Variants in TCF12 observed in about 807,000 individuals in gnomAD.
TCF12 encodes the protein DNA-binding protein HTF4.
Under a neutral mutation model 86.0 loss-of-function variants are expected in TCF12, and 45 were observed. The observed-to-expected ratio is 0.52, with a 90% CI of 0.41 to 0.67. The LOEUF (loss-of-function observed/expected upper bound fraction) is 0.67, where lower values mean the gene tolerates loss of function less well. Ranked by LOEUF, TCF12 falls within the 30% of genes least tolerant of loss-of-function variation. The pLI, the probability that TCF12 is intolerant of heterozygous loss-of-function variation, is 0.00. For synonymous variants in TCF12, 330 were observed against 299.6 expected (o/e 1.10, Z -1.05); for missense variants, 881 against 859.9 (o/e 1.02, Z -0.31).
intron 3 of TCF12, among the ~76,000 whole-genome samples, chr15:56,928,080 A>G (rs184850460): frequency 2.7e-4 from 41 of 152,262 alleles, no homozygotes; most frequent in Non-Finnish European, 5.1e-4. Context: ...AGTGTATTGG[A>G]AAGAATTGGG....
chr15:57,022,241 C>T (rs1293610740), intron 3 of TCF12, among the ~76,000 whole-genome samples: 4 of 152,052 alleles, frequency 2.6e-5, no homozygotes, highest in South Asian at 2.1e-4. Flanking sequence ...CGATAGGTCC[C>T]GGTGTGTGAT....
chr15:57,127,003 G>A (rs1447658546), intron 5 of TCF12, among the ~76,000 whole-genome samples: 1 of 144,304 alleles, frequency 6.9e-6, no homozygotes, highest in Non-Finnish European at 1.5e-5. Context: ...TTTTTGGAGA[G>A]AGAGAGTCTT....
intron 5 of TCF12, among the ~76,000 whole-genome samples, chr15:57,117,515 G>C (rs1463399280): frequency 2.0e-5 from 3 of 152,122 alleles, no homozygotes; most frequent in Non-Finnish European, 4.4e-5. Flanking sequence ...CTGTGGATTA[G>C]AGTTACTTTC....
At chr15:57,226,518 A>T (rs2058888335) in intron 8 of TCF12, among the ~76,000 whole-genome samples, 1 of 152,174 alleles carries the variant, frequency 6.6e-6, no homozygotes, top group Admixed American at 6.5e-5. Context: ...ATGGGAACTT[A>T]AAGAGAACTG....
chr15:57,223,657 T>TTTTTTG (rs2058725841), intron 8 of TCF12, among the ~76,000 whole-genome samples: 1 of 135,060 alleles, frequency 7.4e-6, no homozygotes, highest in African/African-American at 2.5e-5. Context: ...TTTTTTTTTT[T>TTTTTTG]TTTTTTTTTT....
At chr15:57,175,474 T>TA (rs1326001709) in intron 6 of TCF12, among the ~76,000 whole-genome samples, 1 of 152,218 alleles carries the variant, frequency 6.6e-6, no homozygotes, top group Admixed American at 6.5e-5. Flanking sequence ...CTTCTAGACT[T>TA]ATGTTGTATG....
chr15:57,264,195 C>CTTTTTTTTTTTTTTTTCTT (rs2060730989), intron 18 of TCF12, among the ~76,000 whole-genome samples: 1 of 50,698 alleles, frequency 2.0e-5, no homozygotes, highest in African/African-American at 1.0e-4. Context: ...CTTTTGTAAG[C>CTTTTTTTTTTTTTTTTCTT]TTTTTTTTTT....
chr15:56,930,382 G>A (rs1406806294), intron 3 of TCF12, among the ~76,000 whole-genome samples: 1 of 152,204 alleles, frequency 6.6e-6, no homozygotes. Flanking sequence ...TGTGCCAAGG[G>A]TAAGAATCTT....
intron 5 of TCF12, among the ~76,000 whole-genome samples, chr15:57,098,490 C>T (rs1442251523): frequency 6.6e-6 from 1 of 152,050 alleles, no homozygotes; most frequent in Non-Finnish European, 1.5e-5. Context: ...CTGCCTTTTA[C>T]AGAGGAAAGT....
chr15:56,931,567 C>G (rs1009276587), intron 3 of TCF12, among the ~76,000 whole-genome samples: 2 of 152,150 alleles, frequency 1.3e-5, no homozygotes, highest in Non-Finnish European at 2.9e-5. Flanking sequence ...AGATACTTTG[C>G]TGTAGGGAAC....
chr15:57,087,245 C>T (rs759584149), intron 4 of TCF12, among the ~76,000 whole-genome samples: 2 of 151,494 alleles, frequency 1.3e-5, no homozygotes, highest in South Asian at 2.1e-4. Context: ...GACCCCATCT[C>T]GACAAAAAAT....
At chr15:57,032,982 A>G (rs113153438) in intron 3 of TCF12, among the ~76,000 whole-genome samples, 1,799 of 152,278 alleles carry the variant, frequency 0.012, 40 homozygotes, top group African/African-American at 0.042. Flanking sequence ...TCAACAAAGA[A>G]GTAAAAGGTA....
intron 3 of TCF12, among the ~76,000 whole-genome samples, chr15:57,044,456 A>G (rs2067097875): frequency 6.6e-6 from 1 of 152,166 alleles, no homozygotes; most frequent in African/African-American, 2.4e-5. Flanking sequence ...TCATTTAATT[A>G]CTAGTTTTTA....
intron 3 of TCF12, among the ~76,000 whole-genome samples, chr15:56,948,719 C>T (rs1304020602): frequency 6.6e-6 from 1 of 152,098 alleles, no homozygotes; most frequent in Non-Finnish European, 1.5e-5. Flanking sequence ...TACAGAGGTA[C>T]CAAAAGTTTT....
At chr15:56,925,240 G>GCTCCC (rs2059953108) in intron 3 of TCF12, among the ~76,000 whole-genome samples, 1 of 136,260 alleles carries the variant, frequency 7.3e-6, no homozygotes, top group African/African-American at 2.7e-5. Context: ...GGTGTCCACC[G>GCTCCC]CCCCCCCACC....
intron 3 of TCF12, among the ~76,000 whole-genome samples, chr15:57,059,136 G>C (rs940872294): frequency 3.3e-5 from 5 of 152,170 alleles, no homozygotes; most frequent in Non-Finnish European, 5.9e-5. Context: ...ACAGTGCTGA[G>C]ATTTGATATT....
intron 4 of TCF12, among the ~76,000 whole-genome samples, chr15:57,065,958 C>T (rs1194590815): frequency 6.6e-6 from 1 of 152,142 alleles, no homozygotes; most frequent in Non-Finnish European, 1.5e-5. Context: ...TGCTACCCTT[C>T]TTTATTTTTG....
intron 3 of TCF12, among the ~76,000 whole-genome samples, chr15:56,950,432 G>A (rs1161769992): frequency 1.3e-5 from 2 of 152,046 alleles, no homozygotes; most frequent in Non-Finnish European, 2.9e-5. Flanking sequence ...CACCATGTTG[G>A]CCAGGCTGGT....
chr15:57,038,530 T>G (rs1409127629), intron 3 of TCF12, among the ~76,000 whole-genome samples: 1 of 152,150 alleles, frequency 6.6e-6, no homozygotes, highest in Non-Finnish European at 1.5e-5. Context: ...TATCACAGAT[T>G]GAGTCTTTGG....
Sources: allele counts gnomAD v4.1 joint callset (sites outside exome capture counted in the v4.1 genomes callset), GRCh38; gene constraint gnomAD v4.1.1; transcripts MANE v1.5; gene names NCBI Gene and HGNC (gene_info 2026-07-23, HGNC 2026-07-21).